CC2D2A: variants seen among roughly 807,000 people sequenced by gnomAD.
The protein encoded by CC2D2A is coiled-coil and C2 domain-containing protein 2A.
CC2D2A carries 155 observed loss-of-function variants against 212.9 expected under a neutral mutation model. The observed-to-expected ratio is 0.73, with a 90% CI of 0.64 to 0.83. The LOEUF is 0.83. Among genes scored for constraint, CC2D2A ranks in the 40% least tolerant of loss-of-function variants. CC2D2A has a pLI of 0.00. For synonymous variants in CC2D2A, 667 were observed against 686.5 expected, an observed-to-expected ratio of 0.97 and a Z score of 0.44; for missense variants, 1,856 against 1,956.2, an observed-to-expected ratio of 0.95 and a Z score of 0.97.
rs780506478 is a variant in CC2D2A, at chr4:15,478,774, T to C, written c.91T>C (p.Ser31Pro). The change falls in exon 3 of 37, where the codon TCA becomes CCA. Residue 31 changes from serine (S) to proline (P), a missense_variant. Ser to Pro is a moderately conservative substitution (Grantham distance 74, BLOSUM62 -1). This residue lies in a region of CC2D2A where 1,512 missense variants were observed against 1,579.3 expected (regional missense o/e 0.96). Coordinates refer to ENST00000424120, the MANE Select transcript of CC2D2A (RefSeq NM_001378615.1). ...DADMGRQNKN[S>P]KVRRQPRKKQ... is the part of the protein sequence containing the mutation. ...AGACATGGGAAGACAGAATAAGAAC[T>C]CAAAGGTTCGAAGACAGCCAAGAAA... The C allele has an allele frequency of 6.4e-7, 1 of 1,554,890 alleles. No individual in the cohort carries two copies. The highest frequency in any genetic ancestry group is 1.2e-5 in the South Asian group (1 of 84,150).
At chr4:15,531,302 A>G (rs1407527866) in intron 13 of CC2D2A, among the ~76,000 whole-genome samples, 4 of 151,952 alleles carry the variant, frequency 2.6e-5, no homozygotes, top group Non-Finnish European at 5.9e-5. Context: ...ATCCCCACGC[A>G]TTGCCTGTCA....
chr4:15,528,689 A>G lies in CC2D2A; in HGVS notation c.1429A>G (p.Ile477Val). The stretch of plus-strand genomic sequence containing the variant: ...AAAACCTCATCAGTCTCTCGATACC[A>G]TCCAAAAAACCATCAATGAGTATAA... Reference protein sequence around the residue: ...PEKPHQSLDTIQKTINEYKSE... With the variant: ...PEKPHQSLDTVQKTINEYKSE... Residue 477 changes from isoleucine (I) to valine (V), a missense_variant, in exon 13 of 37, where the codon ATC becomes GTC. Transcript: ENST00000424120. The G allele has an allele frequency of 1.2e-6, 2 of 1,612,796 alleles. No individual in the cohort carries two copies. Among genetic ancestry groups the G allele is most frequent in the Non-Finnish European group, 8.5e-7 (1 of 1,179,376 alleles).
intron 4 of CC2D2A, among the ~76,000 whole-genome samples, chr4:15,490,413 A>T (rs1359086489): frequency 2.0e-5 from 3 of 152,058 alleles, no homozygotes; most frequent in Non-Finnish European, 4.4e-5. Flanking sequence ...TTTGCACCTG[A>T]CCTCTTTCAC....
At chr4:15,560,845 C>T (rs562282227) in intron 23 of CC2D2A, among the ~76,000 whole-genome samples, 325 of 152,206 alleles carry the variant, frequency 2.1e-3, no homozygotes, top group African/African-American at 7.6e-3. Flanking sequence ...TCCAACAAAC[C>T]CCATCTCACC....
intron 2 of CC2D2A, among the ~76,000 whole-genome samples, chr4:15,477,882 T>C (rs536702993): frequency 2.9e-4 from 44 of 152,354 alleles, no homozygotes; most frequent in African/African-American, 1.1e-3. Flanking sequence ...TGATATTTCT[T>C]TGAAATTATA....
At chr4:15,569,148 C>A in intron 26 of CC2D2A, 145 bp from the exon 27 acceptor site, 1 of 613,154 alleles carries the variant, frequency 1.6e-6, no homozygotes. Flanking sequence ...TATCCCTGTA[C>A]AAGAGAAATC....
intron 16 of CC2D2A, among the ~76,000 whole-genome samples, chr4:15,540,586 G>T (rs1252432865): frequency 6.6e-6 from 1 of 152,152 alleles, no homozygotes; most frequent in African/African-American, 2.4e-5. Context: ...AACCTGAGGA[G>T]ACTGTAGCAC....
chr4:15,546,689 TTGCCA>T (rs1718728494), intron 17 of CC2D2A, among the ~76,000 whole-genome samples: 2 of 152,256 alleles, frequency 1.3e-5, no homozygotes, highest in African/African-American at 4.8e-5. Flanking sequence ...TACATCTTAC[TTGCCA>T]TGCTTTAAAC....
chr4:15,521,481 GAAA>G (rs989525396), intron 11 of CC2D2A, among the ~76,000 whole-genome samples: 2 of 150,014 alleles, frequency 1.3e-5, no homozygotes, highest in African/African-American at 2.4e-5. Flanking sequence ...TTGCCTTTAA[GAAA>G]AAAAAAATTA....
chr4:15,542,305 A>T (rs757835197), intron 17 of CC2D2A, among the ~76,000 whole-genome samples: 4 of 152,088 alleles, frequency 2.6e-5, no homozygotes, highest in Non-Finnish European at 5.9e-5. Flanking sequence ...CACAATGCTA[A>T]CAGGTCTCTC....
At chr4:15,539,136 C>A (rs377350586) in intron 16 of CC2D2A, among the ~76,000 whole-genome samples, 8 of 152,196 alleles carry the variant, frequency 5.3e-5, no homozygotes, top group African/African-American at 1.9e-4. Context: ...TTAAAGTCAA[C>A]CAACTAAACA....
Position 15,510,211 on chromosome 4 carries a change from T to A in CC2D2A, c.511T>A (p.Ser171Thr). The A allele has an allele frequency of 6.2e-7, 1 of 1,612,116 alleles. No homozygotes were observed. The highest frequency in any genetic ancestry group is 8.5e-7 in the Non-Finnish European group (1 of 1,179,438). The change falls in exon 7 of 37, where the codon TCT becomes ACT. Residue 171 changes from serine to threonine, a missense_variant. Physicochemically the swap from Ser to Thr is moderately conservative, Grantham distance 58 (BLOSUM62 1). Coordinates refer to ENST00000424120, the MANE Select transcript of CC2D2A (RefSeq NM_001378615.1). Reference protein sequence around the residue: ...QSYSRVKFHDSARKIKPKPQV... With the variant: ...QSYSRVKFHDTARKIKPKPQV... ...TTACTCAAGAGTCAAGTTCCATGAT[T>A]CTGCACGAAAAATCAAGCCTAAACC...
intron 10 of CC2D2A, 74 bp from the exon 11 acceptor site, chr4:15,516,551 A>G: frequency 2.8e-6 from 4 of 1,420,458 alleles, no homozygotes; most frequent in Non-Finnish European, 3.8e-6. Context: ...TTTTCAAGAA[A>G]TGTTGTTTGT....
intron 19 of CC2D2A, 42 bp downstream of exon 19, chr4:15,553,347 T>TA: frequency 6.3e-7 from 1 of 1,598,498 alleles, no homozygotes; most frequent in Non-Finnish European, 8.5e-7. Context: ...ATGTCAGTGT[T>TA]ATCATTAAAG....
At chr4:15,476,153 C>T (rs1444624075) in intron 2 of CC2D2A, among the ~76,000 whole-genome samples, 182 bp downstream of exon 2, 1 of 152,214 alleles carries the variant, frequency 6.6e-6, no homozygotes, top group Non-Finnish European at 1.5e-5. Flanking sequence ...AATTGGGCAG[C>T]CCTCAGAACC....
intron 2 of CC2D2A, among the ~76,000 whole-genome samples, chr4:15,476,406 C>G (rs553361695): frequency 6.6e-6 from 1 of 152,350 alleles, no homozygotes; most frequent in South Asian, 2.1e-4. Context: ...ACTAAGATTG[C>G]AGTTTGTTAT....
At chr4:15,578,869 T>C (rs1720528544) in intron 29 of CC2D2A, among the ~76,000 whole-genome samples, 1 of 152,028 alleles carries the variant, frequency 6.6e-6, no homozygotes, top group African/African-American at 2.4e-5. Flanking sequence ...CTCAAACTCC[T>C]GAGCTCAGGT....
At chr4:15,510,669 T>G (rs1310507577) in intron 7 of CC2D2A, among the ~76,000 whole-genome samples, 1 of 152,178 alleles carries the variant, frequency 6.6e-6, no homozygotes, top group African/African-American at 2.4e-5. Flanking sequence ...GAAAAAAGTA[T>G]GAGAAGTGAT....
chr4:15,490,716 C>T (rs555458360), intron 4 of CC2D2A, among the ~76,000 whole-genome samples: 31 of 152,054 alleles, frequency 2.0e-4, no homozygotes, highest in East Asian at 5.8e-4. Context: ...GCCCAATTTC[C>T]GCCTCTAAGG....
Sources: allele counts gnomAD v4.1 joint callset (sites outside exome capture counted in the v4.1 genomes callset), GRCh38; gene constraint gnomAD v4.1.1; regional missense constraint gnomAD v4.1.1; transcripts MANE v1.5; gene names NCBI Gene and HGNC (gene_info 2026-07-23, HGNC 2026-07-21).